The following TSPAN7 variants were observed in gnomAD, a reference collection of about 807,000 sequenced individuals.
TSPAN7 encodes tetraspanin 7.
A neutral mutation model predicts 17.6 loss-of-function variants in TSPAN7; 1 was observed. That is an observed-to-expected ratio of 0.06 (90% CI 0.02 to 0.27). The LOEUF is 0.27. Among genes scored for constraint, TSPAN7 ranks in the 10% least tolerant of loss-of-function variants. TSPAN7 has a pLI of 1.00. For synonymous variants in TSPAN7, 78 were observed against 79.0 expected, an observed-to-expected ratio of 0.99 and a Z score of 0.07; for missense variants, 112 against 201.7, an observed-to-expected ratio of 0.56 and a Z score of 2.69.
At chrX:38,629,272 G>A (rs1483657579) in intron 1 of TSPAN7, among the ~76,000 whole-genome samples, 6 of 112,251 alleles carry the variant, frequency 5.3e-5, no homozygotes, top group Non-Finnish European at 9.4e-5. Flanking sequence ...AGACGGTGAT[G>A]TGATACAATG....
intron 1 of TSPAN7, among the ~76,000 whole-genome samples, chrX:38,608,997 C>T (rs369151314): frequency 9.5e-4 from 106 of 111,636 alleles, no homozygotes; most frequent in African/African-American, 3.1e-3. Flanking sequence ...CTTTCTTGCA[C>T]GTGCATTTTT....
At chrX:38,681,108 A>C in intron 5 of TSPAN7, 96 bp from the exon 6 acceptor site, 1 of 658,544 alleles carries the variant, frequency 1.5e-6, no homozygotes, top group African/African-American at 2.1e-5. Context: ...TTGCTGAATT[A>C]AGGTTGAAGT....
intron 6 of TSPAN7, among the ~76,000 whole-genome samples, chrX:38,682,559 A>AT (rs2069899785): frequency 8.9e-6 from 1 of 112,561 alleles, no homozygotes; most frequent in East Asian, 2.8e-4. Context: ...CCTGTGAGAC[A>AT]TTTTATCTCA....
chrX:38,607,538 T>C (rs1327201696), intron 1 of TSPAN7, among the ~76,000 whole-genome samples: 3 of 111,566 alleles, frequency 2.7e-5, no homozygotes, highest in South Asian at 3.8e-4. Flanking sequence ...AGCTGCTGAT[T>C]GAGTGGACTT....
chrX:38,658,240 G>A (rs1377896186), intron 1 of TSPAN7, among the ~76,000 whole-genome samples: 1 of 111,068 alleles, frequency 9.0e-6, no homozygotes, highest in Non-Finnish European at 1.9e-5. Flanking sequence ...GAGTGTGGTG[G>A]TACAATCTTA....
At chrX:38,603,522 C>T (rs946354559) in intron 1 of TSPAN7, among the ~76,000 whole-genome samples, 1 of 111,802 alleles carries the variant, frequency 8.9e-6, no homozygotes, top group Non-Finnish European at 1.9e-5. Context: ...TGTCCATCAA[C>T]TGATAAATGG....
chrX:38,565,419 G>A (rs950370722), intron 1 of TSPAN7, among the ~76,000 whole-genome samples: 6 of 111,134 alleles, frequency 5.4e-5, no homozygotes, highest in East Asian at 2.8e-4. Context: ...TAGTAGAGAC[G>A]GGGTTTCACC....
At chrX:38,620,681 C>T (rs1478682600) in intron 1 of TSPAN7, among the ~76,000 whole-genome samples, 3 of 111,641 alleles carry the variant, frequency 2.7e-5, no homozygotes, top group South Asian at 3.8e-4. Context: ...TTCAAGGGAT[C>T]AAACCCAGTT....
intron 1 of TSPAN7, among the ~76,000 whole-genome samples, chrX:38,574,867 C>T (rs72620796): frequency 0.12 from 13,606 of 109,193 alleles, 791 homozygotes; most frequent in East Asian, 0.27. Context: ...ATATTCATGC[C>T]CTTGTTTAAT....
intron 1 of TSPAN7, chrX:38,655,895 A>T: frequency 4.0e-6 from 1 of 250,208 alleles, no homozygotes. Flanking sequence ...AAAATAATGG[A>T]ACTCCAGGAA....
At chrX:38,589,690 T>C (rs989058784) in intron 1 of TSPAN7, among the ~76,000 whole-genome samples, 1 of 112,004 alleles carries the variant, frequency 8.9e-6, no homozygotes, top group African/African-American at 3.2e-5. Flanking sequence ...TAAATATTTG[T>C]ATTTTATGAA....
chrX:38,662,110 C>T (rs1429873882), intron 1 of TSPAN7, among the ~76,000 whole-genome samples: 1 of 111,417 alleles, frequency 9.0e-6, no homozygotes, highest in African/African-American at 3.3e-5. Context: ...TTTTTTCCTT[C>T]AACTACCTGG....
chrX:38,668,344 A>T (rs2069796577), intron 2 of TSPAN7, among the ~76,000 whole-genome samples: 1 of 111,990 alleles, frequency 8.9e-6, no homozygotes, highest in Non-Finnish European at 1.9e-5. Context: ...ATAAAATAGG[A>T]TATGTGTATA....
intron 1 of TSPAN7, among the ~76,000 whole-genome samples, chrX:38,575,013 C>T (rs1008574428): frequency 3.6e-5 from 4 of 111,481 alleles, no homozygotes; most frequent in Admixed American, 9.6e-5. Flanking sequence ...CTGAAAGACT[C>T]TGTTCCTTTC....
intron 1 of TSPAN7, among the ~76,000 whole-genome samples, chrX:38,571,521 C>A (rs913853974): frequency 3.8e-4 from 42 of 110,960 alleles, no homozygotes; most frequent in African/African-American, 1.2e-3. Flanking sequence ...CTAGTACTGG[C>A]AATATTAATT....
chrX:38,625,383 T>C (rs1375695566), intron 1 of TSPAN7, among the ~76,000 whole-genome samples: 1 of 111,795 alleles, frequency 8.9e-6, no homozygotes, highest in Non-Finnish European at 1.9e-5. Flanking sequence ...TCAGCCTCCC[T>C]CAGAGTTAGG....
chrX:38,671,243 A>T, intron 2 of TSPAN7, 133 bp from the exon 3 acceptor site: 4 of 636,093 alleles, frequency 6.3e-6, no homozygotes. Flanking sequence ...AATGTTTTAT[A>T]TTTTTTTCTA....
chrX:38,659,937 C>T (rs2069733422), intron 1 of TSPAN7, among the ~76,000 whole-genome samples: 1 of 106,799 alleles, frequency 9.4e-6, no homozygotes, highest in African/African-American at 3.4e-5. Context: ...AGTGATTCTC[C>T]CGCCTCAGCC....
intron 1 of TSPAN7, among the ~76,000 whole-genome samples, chrX:38,604,335 G>A (rs1251115350): frequency 8.4e-5 from 9 of 107,428 alleles, no homozygotes; most frequent in East Asian, 3.0e-4. Flanking sequence ...ATAAACATAC[G>A]TGTGCATGTG....
Sources: gnomAD v4.1 joint callset for allele counts (sites outside exome capture counted in the v4.1 genomes callset) on GRCh38, gnomAD v4.1.1 for gene constraint, MANE v1.5 for transcripts, NCBI Gene and HGNC (gene_info 2026-07-23, HGNC 2026-07-21) for gene names.